The following TGFBRAP1 variants were observed in gnomAD, a reference collection of about 807,000 sequenced individuals.
TGFBRAP1 encodes the protein transforming growth factor beta receptor associated protein 1.
TGFBRAP1 carries 20 observed loss-of-function variants against 83.2 expected under a neutral mutation model. The observed-to-expected ratio is 0.24, with a 90% CI of 0.17 to 0.35. The LOEUF (loss-of-function observed/expected upper bound fraction) is 0.35, where lower values mean the gene tolerates loss of function less well. Among genes scored for constraint, TGFBRAP1 ranks in the 10% least tolerant of loss-of-function variants. The probability of loss-of-function intolerance (pLI) is 1.00; values close to 1 mark genes in which losing one functional copy is unlikely to be tolerated. For synonymous variants in TGFBRAP1, 415 were observed against 459.8 expected (o/e 0.90, Z 1.25); for missense variants, 950 against 1,099.4 (o/e 0.86, Z 1.92).
At chr2:105,281,955 C>A (rs930565821) in intron 5 of TGFBRAP1, among the ~76,000 whole-genome samples, 2 of 152,074 alleles carry the variant, frequency 1.3e-5, no homozygotes, top group African/African-American at 4.8e-5. Context: ...AAGACAGTAA[C>A]CCCCTGCCCA....
At chr2:105,274,954 T>A (rs1677287184) in intron 8 of TGFBRAP1, among the ~76,000 whole-genome samples, 1 of 152,222 alleles carries the variant, frequency 6.6e-6, no homozygotes, top group African/African-American at 2.4e-5. Flanking sequence ...TGTGGTCACC[T>A]GTGGGGCTTT....
At chr2:105,302,268 C>T (rs1253244170) in intron 2 of TGFBRAP1, among the ~76,000 whole-genome samples, 1 of 152,114 alleles carries the variant, frequency 6.6e-6, no homozygotes, top group African/African-American at 2.4e-5. Flanking sequence ...ATGGTGCAAC[C>T]TTTATCAAGG....
chr2:105,316,471 GCGCGCGCGCA>G (rs200375296), intron 1 of TGFBRAP1, among the ~76,000 whole-genome samples: 18,549 of 104,608 alleles, frequency 0.18, 1,352 homozygotes, highest in African/African-American at 0.2. Flanking sequence ...GTGCGCGCGC[GCGCGCGCGCA>G]CGCGCACATA....
chr2:105,250,565 T>TCCTCCTCTCCCTCTC, the TGFBRAP1 span, among the ~76,000 whole-genome samples: 1,640 of 140,466 alleles, frequency 0.012, 20 homozygotes, highest in Admixed American at 0.015. Flanking sequence ...TTGGAAAGGC[T>TCCTCCTCTCCCTCTC]CCTCCTCTCC....
At chr2:105,258,733 ACACACAC>A in the TGFBRAP1 span, among the ~76,000 whole-genome samples, 1 of 8,738 alleles carries the variant, frequency 1.1e-4, no homozygotes, top group Non-Finnish European at 3.7e-4. Context: ...CCACCCCTAC[ACACACAC>A]ACACACACAC....
At chr2:105,258,191 C>A in the TGFBRAP1 span, among the ~76,000 whole-genome samples, 1 of 152,190 alleles carries the variant, frequency 6.6e-6, no homozygotes, top group Non-Finnish European at 1.5e-5. Context: ...CAAGGCCACT[C>A]GCCAGCTCAT....
Position 105,284,357 on chromosome 2 carries a change from C to G in TGFBRAP1, c.1080G>C (p.Gln360His), listed in dbSNP as rs1677643108. The G allele has an allele frequency of 1.2e-6, 2 of 1,614,096 alleles. No individual in the cohort carries two copies. Among genetic ancestry groups the G allele is most frequent in the South Asian group, 2.2e-5 (2 of 91,074 alleles). The part of the protein sequence containing the change: ...RRILQQAGFI[Q>H]FAQLQFLEAK... ...CTTCCAGGAACTGAAGTTGTGCAAA[C>G]TGTATAAATCCCGCCTGCTGCAGAA... Residue 360 changes from glutamine (Q) to histidine (H), a missense_variant, in exon 5 of 12, where the codon CAG becomes CAC. Physicochemically the swap from Gln to His is conservative, Grantham distance 24. Transcript: ENST00000393359.
chr2:105,283,785 A>T (rs1406077598), intron 5 of TGFBRAP1, among the ~76,000 whole-genome samples: 2 of 152,230 alleles, frequency 1.3e-5, no homozygotes, highest in African/African-American at 4.8e-5. Flanking sequence ...CAAGCACAAG[A>T]GTAATCACAG....
intron 4 of TGFBRAP1, among the ~76,000 whole-genome samples, chr2:105,295,836 C>A (rs938975835): frequency 1.0e-4 from 15 of 146,704 alleles, no homozygotes; most frequent in Non-Finnish European, 1.5e-4. Context: ...AAAAAAAGTT[C>A]TCCTAAGGAA....
At chr2:105,275,914 A>C (rs2104323917) in intron 7 of TGFBRAP1, among the ~76,000 whole-genome samples, 1 of 152,336 alleles carries the variant, frequency 6.6e-6, no homozygotes, top group East Asian at 1.9e-4. Context: ...AAATAAAAAA[A>C]AAAATTAAGC....
At chr2:105,278,760 T>C (rs1007567548) in intron 6 of TGFBRAP1, among the ~76,000 whole-genome samples, 1 of 152,066 alleles carries the variant, frequency 6.6e-6, no homozygotes. Flanking sequence ...TCTCAAGATA[T>C]TGAGGCATCT....
Position 105,307,968 on chromosome 2 carries a change from A to G in TGFBRAP1, c.334T>C (p.Ser112Pro), listed in dbSNP as rs1678568747. Residue 112 changes from serine (S) to proline (P), a missense_variant, in exon 2 of 12, where the codon TCG becomes CCG. By Grantham distance (74) the Ser-to-Pro change is moderately conservative (BLOSUM62 -1). Coordinates refer to ENST00000393359, the MANE Select transcript of TGFBRAP1 (RefSeq NM_004257.6). ...GCTGCCCCCTTGATGCGGGCCCCCG[A>G]AGGCACTGGCTCGAGGTTCAGCATG... ...VNMLNLEPVPSGARIKGAATF... is the reference protein window; with the variant it reads ...VNMLNLEPVPPGARIKGAATF... 1 of 1,614,104 alleles carries G rather than the reference A, an allele frequency of 6.2e-7. No homozygotes were observed. Among genetic ancestry groups the G allele is most frequent in the African/African-American group, 1.3e-5 (1 of 74,928 alleles).
chr2:105,252,715 A>G, the TGFBRAP1 span, among the ~76,000 whole-genome samples: 1 of 149,630 alleles, frequency 6.7e-6, no homozygotes, highest in Admixed American at 6.7e-5. Context: ...ATAAGCAGAT[A>G]CCAGCCCTTC....
downstream of TGFBRAP1, among the ~76,000 whole-genome samples, chr2:105,263,670 G>A (rs540388404): frequency 1.5e-3 from 233 of 152,122 alleles, no homozygotes; most frequent in Non-Finnish European, 2.6e-3. Context: ...CTGAGGTCAG[G>A]AGTTCAAGAC....
Position 105,289,416 on chromosome 2 carries a change from G to A in TGFBRAP1, c.1039-5018C>T, listed in dbSNP as rs79175085. Among the ~76,000 whole-genome samples the A allele has an allele frequency of 9.9e-3, 1,512 of 152,242 alleles. 33 individuals carry two copies. Among genetic ancestry groups the A allele is most frequent in the African/African-American group, 0.035 (1,460 of 41,560 alleles). Reference sequence around the variant, plus strand: ...GCTCAAATTTTGAGGCATTGAAAACGGATACAGTGAGCCCTCTCATTCCTG... The same window carrying A: ...GCTCAAATTTTGAGGCATTGAAAACAGATACAGTGAGCCCTCTCATTCCTG... On this transcript the variant is annotated intron_variant, in intron 4 of 11. Coordinates refer to ENST00000393359, the MANE Select transcript of TGFBRAP1 (RefSeq NM_004257.6).
At chr2:105,275,789 C>A in intron 7 of TGFBRAP1, 86 bp from the exon 8 acceptor site, 1 of 1,372,454 alleles carries the variant, frequency 7.3e-7, no homozygotes, top group Non-Finnish European at 9.7e-7. Flanking sequence ...TGAGAAATGG[C>A]ATATGTTTAC....
At chr2:105,282,258 AAAG>A (rs1322224557) in intron 5 of TGFBRAP1, among the ~76,000 whole-genome samples, 3 of 152,196 alleles carry the variant, frequency 2.0e-5, no homozygotes, top group African/African-American at 7.2e-5. Context: ...TTGCTGAATG[AAAG>A]AAGAGCTGAA....
intron 1 of TGFBRAP1, among the ~76,000 whole-genome samples, chr2:105,318,449 A>C (rs1678952989): frequency 6.6e-6 from 1 of 152,200 alleles, no homozygotes; most frequent in Non-Finnish European, 1.5e-5. Flanking sequence ...TAGGCATTAA[A>C]TATTAATTAA....
At chr2:105,284,550 ATCTG>A in intron 4 of TGFBRAP1, 152 bp from the exon 5 acceptor site, 1 of 662,152 alleles carries the variant, frequency 1.5e-6, no homozygotes, top group South Asian at 1.9e-5. Context: ...AATTATATGT[ATCTG>A]TCTCTTTATG....
Sources: allele counts gnomAD v4.1 joint callset (sites outside exome capture counted in the v4.1 genomes callset), GRCh38; gene constraint gnomAD v4.1.1; transcripts MANE v1.5; gene names NCBI Gene and HGNC (gene_info 2026-07-23, HGNC 2026-07-21).